RGS21: variants seen among roughly 807,000 people sequenced by gnomAD.
RGS21 encodes the protein regulator of G-protein signalling 21.
RGS21 carries 19 observed loss-of-function variants against 18.7 expected under a neutral mutation model. The ratio of observed to expected loss-of-function variants is 1.01; its 90% CI spans 0.71 to 1.49. The LOEUF is 1.49. Among genes scored for constraint, RGS21 ranks in the 40% most tolerant of loss-of-function variants. The probability of loss-of-function intolerance (pLI) is 0.00; values close to 1 mark genes in which losing one functional copy is unlikely to be tolerated. For synonymous variants in RGS21, 56 were observed against 57.8 expected, an observed-to-expected ratio of 0.97 and a Z score of 0.14; for missense variants, 194 against 176.8, an observed-to-expected ratio of 1.10 and a Z score of -0.55.
intron 4 of RGS21, among the ~76,000 whole-genome samples, chr1:192,363,831 A>T (rs1304044263): frequency 2.0e-5 from 3 of 151,892 alleles, no homozygotes; most frequent in African/African-American, 7.3e-5. Flanking sequence ...CTCTGTGTTT[A>T]TTTGCTTATT....
chr1:192,346,778 A>G (rs1658948621), intron 2 of RGS21, among the ~76,000 whole-genome samples: 1 of 152,148 alleles, frequency 6.6e-6, no homozygotes, highest in African/African-American at 2.4e-5. Flanking sequence ...AAGAGAAATA[A>G]AGGCTGCCTC....
At chr1:192,342,142 T>G (rs539205272) in intron 1 of RGS21, among the ~76,000 whole-genome samples, 1 of 152,186 alleles carries the variant, frequency 6.6e-6, no homozygotes, top group East Asian at 1.9e-4. Context: ...TTGACTGCTT[T>G]CTTTCTCCCA....
At chr1:192,326,254 C>T (rs913007288) in intron 1 of RGS21, among the ~76,000 whole-genome samples, 3 of 151,908 alleles carry the variant, frequency 2.0e-5, no homozygotes, top group African/African-American at 4.8e-5. Context: ...TTTTAAAATA[C>T]ATTAAGCCAT....
intron 4 of RGS21, among the ~76,000 whole-genome samples, chr1:192,358,085 A>T (rs78266259): frequency 6.6e-6 from 1 of 151,928 alleles, no homozygotes; most frequent in East Asian, 1.9e-4. Flanking sequence ...TAGCTTTTGT[A>T]TATCTATTTT....
rs1027624112 is a variant in RGS21 at position 192,366,120 on chromosome 1, T to C, written c.455T>C (p.Leu152Ser). The C allele has an allele frequency of 3.8e-6, 6 of 1,574,844 alleles. No individual in the cohort carries two copies. In the African/African-American group the frequency reaches 9.1e-5, roughly 24 times the overall value. Reference protein sequence around the residue: ...VPNHKKWLPFL With the variant: ...VPNHKKWLPFS ...AATCATAAAAAATGGCTCCCTTTTTTGTGAGGAAGGTAAAAGTTAACTAAT... is the reference window on the plus strand; with the variant it reads ...AATCATAAAAAATGGCTCCCTTTTTCGTGAGGAAGGTAAAAGTTAACTAAT... The change falls in exon 5 of 5, where the codon TTG becomes TCG. Residue 152 changes from leucine (L) to serine (S), a missense_variant. Transcript: ENST00000417209.
intron 2 of RGS21, among the ~76,000 whole-genome samples, chr1:192,346,233 TAG>T (rs1658942565): frequency 6.6e-6 from 1 of 152,066 alleles, no homozygotes; most frequent in African/African-American, 2.4e-5. Context: ...ACTGCATCAG[TAG>T]AGGAAGTACA....
At chr1:192,337,989 G>A (rs1658798641) in intron 1 of RGS21, among the ~76,000 whole-genome samples, 1 of 152,074 alleles carries the variant, frequency 6.6e-6, no homozygotes, top group African/African-American at 2.4e-5. Context: ...GATAGTACAT[G>A]TTCTAAGAAA....
At chr1:192,335,401 G>C (rs916164871) in intron 1 of RGS21, among the ~76,000 whole-genome samples, 3 of 152,132 alleles carry the variant, frequency 2.0e-5, no homozygotes, top group African/African-American at 7.2e-5. Context: ...AGAGATCATT[G>C]TCACTAATAA....
intron 1 of RGS21, among the ~76,000 whole-genome samples, chr1:192,337,543 C>T (rs1276645220): frequency 2.0e-5 from 3 of 152,026 alleles, no homozygotes; most frequent in Non-Finnish European, 1.5e-5. Flanking sequence ...AGGTCTTCAC[C>T]AGTCAGCAAA....
intron 1 of RGS21, among the ~76,000 whole-genome samples, chr1:192,335,361 G>A (rs1658752579): frequency 6.6e-6 from 1 of 152,182 alleles, no homozygotes; most frequent in African/African-American, 2.4e-5. Flanking sequence ...CTAGTATGCA[G>A]TGTGTTGCAC....
At chr1:192,323,604 G>GC (rs1281449942) in intron 1 of RGS21, among the ~76,000 whole-genome samples, 1 of 152,046 alleles carries the variant, frequency 6.6e-6, no homozygotes, top group East Asian at 1.9e-4. Context: ...AAAAGTTATA[G>GC]AAGGAGACAT....
At chr1:192,321,244 A>G (rs973748844) in intron 1 of RGS21, among the ~76,000 whole-genome samples, 1 of 151,990 alleles carries the variant, frequency 6.6e-6, no homozygotes, top group Non-Finnish European at 1.5e-5. Flanking sequence ...AACAGAAAGA[A>G]TAATACACCT....
At chr1:192,360,776 T>C (rs1054982288) in intron 4 of RGS21, among the ~76,000 whole-genome samples, 9 of 152,142 alleles carry the variant, frequency 5.9e-5, no homozygotes, top group Non-Finnish European at 1.2e-4. Context: ...CAGTTTACCA[T>C]TCCATGTGCA....
At chr1:192,354,866 G>A (rs1892146) in intron 4 of RGS21, among the ~76,000 whole-genome samples, 76,800 of 151,226 alleles carry the variant, frequency 0.51, 20,548 homozygotes, top group African/African-American at 0.64. Context: ...ATAATTATTT[G>A]CTGATGCAAT....
chr1:192,327,494 C>T (rs763239062), intron 1 of RGS21, among the ~76,000 whole-genome samples: 9 of 151,340 alleles, frequency 5.9e-5, no homozygotes, highest in Admixed American at 2.0e-4. Flanking sequence ...ATTTTTGAGA[C>T]GGAGGTTCAC....
intron 1 of RGS21, among the ~76,000 whole-genome samples, chr1:192,322,214 C>T (rs941912266): frequency 1.3e-5 from 2 of 151,850 alleles, no homozygotes; most frequent in Non-Finnish European, 2.9e-5. Context: ...AATATAGAAG[C>T]ATGACATTCA....
intron 1 of RGS21, among the ~76,000 whole-genome samples, chr1:192,337,439 A>C (rs1262788016): frequency 6.6e-6 from 1 of 152,004 alleles, no homozygotes; most frequent in Non-Finnish European, 1.5e-5. Flanking sequence ...CATAGATTTC[A>C]GTTAAAATAC....
At position 192,365,936 on chromosome 1, in the gene RGS21, G is replaced by A. The variant is rs370485345; in HGVS notation, c.271G>A (p.Gly91Ser). Residue 91 changes from glycine to serine, a missense_variant, in exon 5 of 5, where the codon GGT becomes AGT. Gly to Ser is a moderately conservative substitution (Grantham distance 56). Transcript: ENST00000417209. ...TTTTCCACAGATTAACATTGACTTC[G>A]GTACCAGAGACCTCATCTCAAAGAA... ...DAPKEINIDF[G>S]TRDLISKNIA... 51 of 1,599,968 alleles carry A rather than the reference G, an allele frequency of 3.2e-5. No individual in the cohort carries two copies. The highest frequency in any genetic ancestry group is 8.1e-5 in the African/African-American group (6 of 74,338).
intron 1 of RGS21, among the ~76,000 whole-genome samples, chr1:192,339,219 T>A (rs1364425616): frequency 6.6e-6 from 1 of 151,172 alleles, no homozygotes; most frequent in African/African-American, 2.4e-5. Context: ...AATCGGCATT[T>A]TTTTTTAAAA....
Sources: allele counts gnomAD v4.1 joint callset (sites outside exome capture counted in the v4.1 genomes callset), GRCh38; gene constraint gnomAD v4.1.1; transcripts MANE v1.5; gene names NCBI Gene and HGNC (gene_info 2026-07-23, HGNC 2026-07-21).